The following ATP13A1 variants were observed in gnomAD, a reference collection of about 807,000 sequenced individuals.
ATP13A1 encodes endoplasmic reticulum transmembrane helix translocase.
ATP13A1 carries 55 observed loss-of-function variants against 134.8 expected under a neutral mutation model. The observed-to-expected ratio is 0.41, with a 90% CI of 0.33 to 0.51. The LOEUF is 0.51. Ranked by LOEUF, ATP13A1 falls within the 20% of genes least tolerant of loss-of-function variation. The pLI is 0.29. For missense variants in ATP13A1, 1,389 were observed against 1,652.8 expected, an observed-to-expected ratio of 0.84 and a Z score of 2.77; for synonymous variants, 775 against 725.1, an observed-to-expected ratio of 1.07 and a Z score of -1.10.
Position 19,653,038 on chromosome 19 carries a change from G to A in ATP13A1, c.2101-318C>T. 1 of 320,334 alleles carries A rather than the reference G, an allele frequency of 3.1e-6. No individual in the cohort carries two copies. Among genetic ancestry groups the A allele is most frequent in the East Asian group, 6.9e-5 (1 of 14,492 alleles). 19.8% of individuals were successfully genotyped at this position (320,334 alleles called of 1,614,324 possible). ...AAGTAGGGACTCTCCCAATAATGTT[G>A]GAGTTTAGCCAGGAACTCTTACTCA... On this transcript the variant is annotated intron_variant, in intron 15 of 25. Transcript: ENST00000357324. The surrounding 1 kb of genome is among the most constrained non-coding windows in gnomAD (Gnocchi z 4.2).
rs2061997376 is a variant in ATP13A1, at chr19:19,647,964, C to A, written c.2633-205G>T. Among the ~76,000 whole-genome samples the A allele has an allele frequency of 6.6e-6, 1 of 152,110 alleles. No homozygotes were observed. On this transcript the variant is annotated intron_variant, in intron 19 of 25. Coordinates refer to ENST00000357324, the MANE Select transcript of ATP13A1 (RefSeq NM_020410.3). The surrounding 1 kb of genome is among the most constrained non-coding windows in gnomAD (Gnocchi z 4.8). ...AAACTACTTTAAGAAAACAAACCAC[C>A]AACAATAAACCCCCACAACAAATGC...
At chr19:19,662,144 TGC>T (rs765356196) in intron 1 of ATP13A1, 55 of 1,556,344 alleles carry the variant, frequency 3.5e-5, no homozygotes, top group Non-Finnish European at 4.2e-5. Context: ...AGAGCTAAGC[TGC>T]TTAGCTGCAG....
At chr19:19,657,756 C>G (rs1172904975) in intron 3 of ATP13A1, among the ~76,000 whole-genome samples, 1 of 152,168 alleles carries the variant, frequency 6.6e-6, no homozygotes, top group African/African-American at 2.4e-5. Context: ...AGAGAAGGAA[C>G]CTCTGATTGA....
chr19:19,652,920 G>C, intron 15 of ATP13A1, 200 bp from the exon 16 acceptor site: 1 of 680,860 alleles, frequency 1.5e-6, no homozygotes, highest in Middle Eastern at 4.2e-4. Flanking sequence ...GGCAGTGACT[G>C]GGGGGTCTGG....
In ATP13A1 at chr19:19,656,483, GCTCT is replaced by G. The variant is rs1568429034; in HGVS notation, c.1083+173_1083+176del. On this transcript the variant is annotated intron_variant, in intron 7 of 25. Coordinates refer to ENST00000357324, the MANE Select transcript of ATP13A1 (RefSeq NM_020410.3). The surrounding 1 kb of genome is among the most constrained non-coding windows in gnomAD (Gnocchi z 4.6). Reference sequence around the variant, plus strand: ...CACCAATGTACCCTGGATGCCCTTGGCTCTCTCACCTCCTTCCTCGCCCCCACCA... The same window carrying G: ...CACCAATGTACCCTGGATGCCCTTGGCTCACCTCCTTCCTCGCCCCCACCA... 6.6e-6 allele frequency among the ~76,000 whole-genome samples: 1 copy of G among 152,030 alleles called. No individual in the cohort carries two copies. Among genetic ancestry groups the G allele is most frequent in the Non-Finnish European group, 1.5e-5 (1 of 67,998 alleles).
intron 15 of ATP13A1, 66 bp from the exon 16 acceptor site, chr19:19,652,786 G>T (rs2062033022): frequency 4.3e-5 from 65 of 1,527,988 alleles, no homozygotes; most frequent in Non-Finnish European, 5.4e-5. Context: ...CATTTCCTGA[G>T]CTCTGACCAT....
intron 3 of ATP13A1, 37 bp downstream of exon 3, chr19:19,659,564 G>A: frequency 6.3e-7 from 1 of 1,585,580 alleles, no homozygotes; most frequent in Non-Finnish European, 8.6e-7. Context: ...GAGCAGGACA[G>A]AAAGGCAAAG....
chr19:19,654,196 C>T, intron 13 of ATP13A1, 52 bp from the exon 14 acceptor site: 1 of 1,510,474 alleles, frequency 6.6e-7, no homozygotes, highest in South Asian at 1.2e-5. Flanking sequence ...AAGAGGCAGC[C>T]AAGCCCCTAC....
At chr19:19,659,249 G>A (rs942613999) in intron 3 of ATP13A1, among the ~76,000 whole-genome samples, 1 of 152,200 alleles carries the variant, frequency 6.6e-6, no homozygotes, top group African/African-American at 2.4e-5. Context: ...GAGGTCAGGA[G>A]TTCAAGACCA....
At position 19,663,431 on chromosome 19, in the gene ATP13A1, A is replaced by G; in HGVS notation, c.236T>C (p.Leu79Ser). 1 of 1,569,714 alleles carries G rather than the reference A, an allele frequency of 6.4e-7. No individual in the cohort carries two copies. The highest frequency in any genetic ancestry group is 8.6e-7 in the Non-Finnish European group (1 of 1,160,590). Reference sequence around the variant, plus strand: ...CCAGCAGCCAGCGGCTGCGGCACCCAACCAGGCCGGGTAAAGCAGCCCGGC... The same window carrying G: ...CCAGCAGCCAGCGGCTGCGGCACCCGACCAGGCCGGGTAAAGCAGCCCGGC... The part of the protein sequence containing the change: ...PFAGLLYPAW[L>S]GAAAAGCWGW... The change falls in exon 1 of 26, where the codon TTG (leucine) becomes TCG (serine). Residue 79 changes from leucine (L) to serine (S), a missense_variant. Physicochemically the swap from Leu to Ser is moderately radical, Grantham distance 145 (BLOSUM62 -2). Around this residue, in one of 4 missense-constraint regions of ATP13A1, gnomAD observed 293 missense variants for 270.8 expected, o/e 1.08. Transcript: ENST00000357324.
chr19:19,653,938 C>T lies in ATP13A1; in HGVS notation c.1989+31G>A, dbSNP rs1220385994. 3 of 1,577,632 alleles carry T rather than the reference C, an allele frequency of 1.9e-6. No homozygotes were observed. Among genetic ancestry groups the T allele is most frequent in the South Asian group, 1.2e-5 (1 of 86,248 alleles). ...GATGTCACGGGCTGCCCCGCGCCCC[C>T]ACCCCTTGCCCCAGGCTGGGGCCAG... On this transcript the variant is annotated intron_variant, in intron 14 of 25. Coordinates refer to ENST00000357324, the MANE Select transcript of ATP13A1 (RefSeq NM_020410.3). The surrounding 1 kb of genome is among the most constrained non-coding windows in gnomAD (Gnocchi z 4.2).
Position 19,659,810 on chromosome 19 carries a change from T to C in ATP13A1, c.487-19A>G. 1 of 1,611,204 alleles carries C rather than the reference T, an allele frequency of 6.2e-7. No individual in the cohort carries two copies. Among genetic ancestry groups the C allele is most frequent in the South Asian group, 1.1e-5 (1 of 90,866 alleles). Reference sequence around the variant, plus strand: ...CTTCGCCCTGCGGTAGAAGGTGTGTTTGCCACAGAGGCCCCTGACCTTGGG... The same window carrying C: ...CTTCGCCCTGCGGTAGAAGGTGTGTCTGCCACAGAGGCCCCTGACCTTGGG... On this transcript the variant is annotated intron_variant, in intron 2 of 25. Transcript: ENST00000357324.
At position 19,654,199 on chromosome 19, in the gene ATP13A1, G is replaced by A. The variant is rs1300081873; in HGVS notation, c.1814-55C>T. 5.3e-6 allele frequency: 8 copies of A among 1,505,828 alleles called. No individual in the cohort carries two copies. The South Asian group carries it at 8.6e-5, about 16-fold the overall frequency. 93.3% of individuals were successfully genotyped at this position (1,505,828 alleles called of 1,614,324 possible). On this transcript the variant is annotated intron_variant, in intron 13 of 25. Coordinates refer to ENST00000357324, the MANE Select transcript of ATP13A1 (RefSeq NM_020410.3). ...GGCTTTGCTCCAAAGAGGCAGCCAA[G>A]CCCCTACCTCTCACCCCGGCCTCCC...
At chr19:19,658,694 G>A (rs2062075452) in intron 3 of ATP13A1, among the ~76,000 whole-genome samples, 1 of 152,204 alleles carries the variant, frequency 6.6e-6, no homozygotes, top group Admixed American at 6.5e-5. Context: ...AAGATGAAGG[G>A]AGAGGGTGTG....
rs1226257362 is a variant in ATP13A1 at position 19,655,149 on chromosome 19, C to G, written c.1625G>C (p.Ser542Thr). 1.2e-6 allele frequency: 2 copies of G among 1,614,006 alleles called. No individual in the cohort carries two copies. The highest frequency in any genetic ancestry group is 1.7e-6 in the Non-Finnish European group (2 of 1,179,892). Residue 542 changes from serine to threonine, a missense_variant, in exon 12 of 26, where the codon AGC becomes ACC. Ser to Thr is a moderately conservative substitution (Grantham distance 58). Around this residue, in one of 4 missense-constraint regions of ATP13A1, gnomAD observed 747 missense variants for 956.1 expected, o/e 0.78. Transcript: ENST00000357324. The surrounding 1 kb of genome is among the most constrained non-coding windows in gnomAD (Gnocchi z 5.7). ...FDKTGTLTSD[S>T]LVVRGVAGLR... ...CCCGGCCACACCGCGCACCACCAGGCTGTCACTGGTCAACGTCCCCGTCTT... is the reference window on the plus strand; with the variant it reads ...CCCGGCCACACCGCGCACCACCAGGGTGTCACTGGTCAACGTCCCCGTCTT...
chr19:19,648,109 A>G (rs1430724805), intron 19 of ATP13A1, among the ~76,000 whole-genome samples: 1 of 152,166 alleles, frequency 6.6e-6, no homozygotes, highest in African/African-American at 2.4e-5. Flanking sequence ...ACCTGAGGTC[A>G]GGAGTTTGAG....
chr19:19,646,902 G>A lies in ATP13A1; in HGVS notation c.3105+227C>T, dbSNP rs1042349670. On this transcript the variant is annotated intron_variant, in intron 22 of 25. Coordinates refer to ENST00000357324, the MANE Select transcript of ATP13A1 (RefSeq NM_020410.3). ...TGGGGCTCTGTGGGGCCCACCCCTG[G>A]GACCCCTACCTGTGGACAGGTGTGG... 104 of 567,280 alleles carry A rather than the reference G, an allele frequency of 1.8e-4. No individual in the cohort carries two copies. In the East Asian group the frequency reaches 2.5e-3, roughly 13 times the overall value. 35.1% of individuals were successfully genotyped at this position (567,280 alleles called of 1,614,324 possible). A position where few individuals can be genotyped will look rare whatever the true frequency, so the allele number is the denominator to read the frequency against.
chr19:19,646,656 C>T (rs2061988133), intron 22 of ATP13A1: 2 of 450,164 alleles, frequency 4.4e-6, no homozygotes, highest in Non-Finnish European at 8.1e-6. Flanking sequence ...CCCGCCCAGC[C>T]AATCTCCCAC....
In ATP13A1 at chr19:19,653,184, G is replaced by A; in HGVS notation, c.2101-464C>T. 2 of 177,892 alleles carry A rather than the reference G, an allele frequency of 1.1e-5. No individual in the cohort carries two copies. Among genetic ancestry groups the A allele is most frequent in the South Asian group, 2.4e-4 (2 of 8,358 alleles). The allele number at this position is 177,892 out of a possible 1,614,324, so 11.0% of individuals were successfully genotyped here. A position where few individuals can be genotyped will look rare whatever the true frequency, so the allele number is the denominator to read the frequency against. ...GAAATCGGAGTGCTGAGTGCCATGA[G>A]AGAGGAGGTGAGAATGGAATCCAGA... On this transcript the variant is annotated intron_variant, in intron 15 of 25. Transcript: ENST00000357324. The surrounding 1 kb of genome is among the most constrained non-coding windows in gnomAD (Gnocchi z 4.2).
Sources: allele counts gnomAD v4.1 joint callset (sites outside exome capture counted in the v4.1 genomes callset), GRCh38; gene constraint gnomAD v4.1.1; regional missense constraint gnomAD v4.1.1; non-coding constraint Gnocchi (gnomAD v3.1); transcripts MANE v1.5; gene names NCBI Gene and HGNC (gene_info 2026-07-23, HGNC 2026-07-21).